DACH2: variants seen among roughly 807,000 people sequenced by gnomAD.
DACH2 encodes the protein dachshund homolog 2.
DACH2 carries 17 observed loss-of-function variants against 35.8 expected under a neutral mutation model. The observed-to-expected ratio is 0.48, with a 90% CI of 0.33 to 0.71. DACH2 has a LOEUF of 0.71. Among genes scored for constraint, DACH2 ranks in the 30% least tolerant of loss-of-function variants. The probability of loss-of-function intolerance (pLI) is 0.02; values close to 1 mark genes in which losing one functional copy is unlikely to be tolerated. For synonymous variants in DACH2, 195 were observed against 177.3 expected, an observed-to-expected ratio of 1.10 and a Z score of -0.79; for missense variants, 469 against 472.7, an observed-to-expected ratio of 0.99 and a Z score of 0.07.
At chrX:86,738,456 A>G (rs965058573) in intron 6 of DACH2, among the ~76,000 whole-genome samples, 3 of 112,273 alleles carry the variant, frequency 2.7e-5, no homozygotes, top group African/African-American at 9.7e-5. Flanking sequence ...GATTAGAATA[A>G]TGATGTGATT....
intron 2 of DACH2, among the ~76,000 whole-genome samples, chrX:86,511,655 G>A (rs1365294584): frequency 9.0e-6 from 1 of 111,625 alleles, no homozygotes; most frequent in Non-Finnish European, 1.9e-5. Flanking sequence ...CTGATACCTA[G>A]CATTATACCA....
At chrX:86,362,536 A>G (rs981077183) in intron 1 of DACH2, among the ~76,000 whole-genome samples, 3 of 111,705 alleles carry the variant, frequency 2.7e-5, no homozygotes, top group African/African-American at 9.7e-5. Context: ...AGTTCACAGG[A>G]GATCCACAAT....
At chrX:86,577,931 T>C (rs1370213899) in intron 3 of DACH2, among the ~76,000 whole-genome samples, 1 of 112,001 alleles carries the variant, frequency 8.9e-6, no homozygotes, top group Non-Finnish European at 1.9e-5. Flanking sequence ...CTTGACCTAT[T>C]CAAATATTTG....
chrX:86,227,728 A>T (rs775787691), intron 1 of DACH2, among the ~76,000 whole-genome samples: 8 of 108,634 alleles, frequency 7.4e-5, no homozygotes, highest in Non-Finnish European at 1.5e-4. Flanking sequence ...TTCTTCTTTT[A>T]AAAAAAATGC....
At chrX:86,512,721 ATG>A (rs1400199914) in intron 2 of DACH2, among the ~76,000 whole-genome samples, 1 of 112,366 alleles carries the variant, frequency 8.9e-6, no homozygotes, top group Non-Finnish European at 1.9e-5. Context: ...CGATAAAATA[ATG>A]TGTCTTTCTC....
intron 2 of DACH2, among the ~76,000 whole-genome samples, chrX:86,451,644 G>C (rs1351285001): frequency 5.4e-5 from 6 of 111,262 alleles, no homozygotes; most frequent in African/African-American, 2.0e-4. Context: ...AAGTTACTTT[G>C]GGCAGTTTGG....
At chrX:86,241,503 A>T (rs1018604357) in intron 1 of DACH2, among the ~76,000 whole-genome samples, 1 of 112,149 alleles carries the variant, frequency 8.9e-6, no homozygotes, top group Non-Finnish European at 1.9e-5. Context: ...CTGAAATTGG[A>T]ACTTATATTT....
intron 3 of DACH2, among the ~76,000 whole-genome samples, chrX:86,635,617 A>G (rs771645292): frequency 3.6e-5 from 4 of 111,745 alleles, no homozygotes; most frequent in Non-Finnish European, 7.5e-5. Context: ...ACATGATCCT[A>G]TATCTAGAAA....
At chrX:86,739,916 A>G in intron 7 of DACH2, 34 bp downstream of exon 7, 2 of 1,150,092 alleles carry the variant, frequency 1.7e-6, no homozygotes, top group Non-Finnish European at 2.3e-6. Flanking sequence ...TAATTGGAAA[A>G]CATTGTTTCT....
chrX:86,277,978 C>T (rs565570943), intron 1 of DACH2, among the ~76,000 whole-genome samples: 6 of 111,515 alleles, frequency 5.4e-5, no homozygotes, highest in East Asian at 2.8e-4. Context: ...TTGTGATGTG[C>T]GACGAAAAGT....
At chrX:86,449,900 T>A (rs769015914) in intron 2 of DACH2, among the ~76,000 whole-genome samples, 1 of 111,875 alleles carries the variant, frequency 8.9e-6, no homozygotes, top group South Asian at 3.7e-4. Context: ...TACATACTTA[T>A]GATATGTGAT....
intron 1 of DACH2, among the ~76,000 whole-genome samples, chrX:86,149,527 A>G (rs1338769153): frequency 8.9e-6 from 1 of 112,146 alleles, no homozygotes; most frequent in Admixed American, 9.4e-5. Flanking sequence ...GCTGAGCTGT[A>G]AACTGGGCTC....
intron 4 of DACH2, among the ~76,000 whole-genome samples, chrX:86,668,300 C>A (rs905716660): frequency 1.8e-5 from 2 of 111,916 alleles, no homozygotes; most frequent in Non-Finnish European, 3.8e-5. Flanking sequence ...TGTTAATTTC[C>A]ATATGTACTA....
chrX:86,752,221 TA>T (rs930703533), intron 7 of DACH2, among the ~76,000 whole-genome samples: 8 of 111,304 alleles, frequency 7.2e-5, no homozygotes, highest in African/African-American at 2.6e-4. Context: ...TTTGAAATGT[TA>T]AAAAAACTAC....
chrX:86,386,793 C>T (rs1446813694), intron 2 of DACH2, among the ~76,000 whole-genome samples: 1 of 111,039 alleles, frequency 9.0e-6, no homozygotes, highest in Non-Finnish European at 1.9e-5. Flanking sequence ...ATATTTCCTG[C>T]TCCAGTCCTG....
At chrX:86,805,449 C>A (rs1264935183) in intron 7 of DACH2, among the ~76,000 whole-genome samples, 1 of 112,522 alleles carries the variant, frequency 8.9e-6, no homozygotes, top group African/African-American at 3.2e-5. Context: ...AGGAAGGTCC[C>A]TGAAATGCCT....
At chrX:86,445,563 G>GAAAAAAAAA (rs1180782349) in intron 2 of DACH2, among the ~76,000 whole-genome samples, 1 of 11,951 alleles carries the variant, frequency 8.4e-5, no homozygotes, top group African/African-American at 6.1e-4. Context: ...CCATCAGAGT[G>GAAAAAAAAA]AACAAAAAAA....
chrX:86,611,469 G>T (rs1311664943), intron 3 of DACH2, among the ~76,000 whole-genome samples: 1 of 111,008 alleles, frequency 9.0e-6, no homozygotes, highest in African/African-American at 3.3e-5. Context: ...TTTGAGCCCA[G>T]CTCTGCACTA....
chrX:86,809,694 T>C (rs1373646277), intron 7 of DACH2, among the ~76,000 whole-genome samples: 2 of 111,525 alleles, frequency 1.8e-5, no homozygotes, highest in African/African-American at 6.5e-5. Flanking sequence ...TTCTTCTTTA[T>C]GGCCCTTTTT....
Sources: allele counts gnomAD v4.1 joint callset (sites outside exome capture counted in the v4.1 genomes callset), GRCh38; gene constraint gnomAD v4.1.1; transcripts MANE v1.5; gene names NCBI Gene and HGNC (gene_info 2026-07-23, HGNC 2026-07-21).